SCMH1: variants seen among roughly 807,000 people sequenced by gnomAD.
SCMH1 encodes the protein Scm polycomb group protein homolog 1.
Under a neutral mutation model 70.8 loss-of-function variants are expected in SCMH1, and 37 were observed. The ratio of observed to expected loss-of-function variants is 0.52; its 90% CI spans 0.40 to 0.69. The LOEUF (loss-of-function observed/expected upper bound fraction) is 0.69. Among genes scored for constraint, SCMH1 ranks in the 30% least tolerant of loss-of-function variants. SCMH1 has a pLI of 0.00. For synonymous variants in SCMH1, 292 were observed against 307.4 expected, an observed-to-expected ratio of 0.95 and a Z score of 0.52; for missense variants, 607 against 827.3, an observed-to-expected ratio of 0.73 and a Z score of 3.27.
intron 1 of SCMH1, among the ~76,000 whole-genome samples, chr1:41,219,904 C>T (rs892234407): frequency 6.6e-6 from 1 of 151,188 alleles, no homozygotes; most frequent in African/African-American, 2.4e-5. Flanking sequence ...GCATTCCAGC[C>T]TGGGCAACAG....
Position 41,037,542 on chromosome 1 carries a change from CT to C in SCMH1, c.1499-2del. On this transcript the variant is annotated splice_acceptor_variant, in intron 12 of 14. Transcript: ENST00000337495. LOFTEE classifies it high-confidence loss of function. ...CTATTCCCCAGGACAAAGGTTTCAC[CT>C]GAAAAACAGTAAAACCAGAGTTAGA... 6.2e-7 allele frequency: 1 copy of C among 1,613,320 alleles called. No homozygotes were observed. The highest frequency in any genetic ancestry group is 8.5e-7 in the Non-Finnish European group (1 of 1,179,546).
chr1:41,176,065 A>C (rs1572845634), intron 2 of SCMH1, among the ~76,000 whole-genome samples: 1 of 151,888 alleles, frequency 6.6e-6, no homozygotes, highest in East Asian at 1.9e-4. Flanking sequence ...AGCCACAACA[A>C]ATAGAAACCA....
chr1:41,203,659 C>T (rs562855886), intron 1 of SCMH1, among the ~76,000 whole-genome samples: 4 of 152,334 alleles, frequency 2.6e-5, no homozygotes, highest in African/African-American at 9.6e-5. Context: ...GCAAGGAACA[C>T]CTGGCCCACC....
intron 13 of SCMH1, among the ~76,000 whole-genome samples, chr1:41,036,652 C>T (rs954544096): frequency 5.0e-4 from 76 of 152,290 alleles, no homozygotes; most frequent in African/African-American, 1.4e-3. Context: ...TCTAATTAAA[C>T]GCCCATTTAA....
At chr1:41,207,542 A>G (rs1292307852) in intron 1 of SCMH1, among the ~76,000 whole-genome samples, 1 of 152,232 alleles carries the variant, frequency 6.6e-6, no homozygotes, top group Non-Finnish European at 1.5e-5. Flanking sequence ...TTCATAAAGC[A>G]AGTCCTTAGA....
At chr1:41,185,478 T>G (rs180695196) in intron 2 of SCMH1, among the ~76,000 whole-genome samples, 1 of 152,268 alleles carries the variant, frequency 6.6e-6, no homozygotes, top group African/African-American at 2.4e-5. Context: ...TGAGCTCCCA[T>G]GCCCCTTCTT....
exon 15 of SCMH1, chr1:41,027,972 G>A (rs1420988345): frequency 1.8e-6 from 1 of 569,700 alleles, no homozygotes; most frequent in South Asian, 2.3e-5. Flanking sequence ...AGAGCTGAGG[G>A]AAGAGCAGCA....
At chr1:41,154,899 A>AG (rs1438737637) in intron 4 of SCMH1, among the ~76,000 whole-genome samples, 1 of 152,200 alleles carries the variant, frequency 6.6e-6, no homozygotes, top group Non-Finnish European at 1.5e-5. Flanking sequence ...GCAATATGAC[A>AG]GGGGTCCCTG....
At chr1:41,070,711 C>T (rs1392841035) in exon 10 of SCMH1, 16 of 1,613,872 alleles carry the variant, frequency 9.9e-6, no homozygotes, top group Admixed American at 1.7e-5. Context: ...CAGCAAAGTC[C>T]GAGGTTTCCT....
At chr1:41,210,353 A>T (rs1005977232) in intron 1 of SCMH1, among the ~76,000 whole-genome samples, 5 of 152,336 alleles carry the variant, frequency 3.3e-5, no homozygotes, top group South Asian at 4.1e-4. Flanking sequence ...ATTGGAAAAA[A>T]ACTACTTTAA....
At chr1:41,089,787 C>CTTTTTTTTTTTTCTTTTTTTTTT (rs1662818073) in intron 8 of SCMH1, among the ~76,000 whole-genome samples, 1 of 58,756 alleles carries the variant, frequency 1.7e-5, no homozygotes, top group African/African-American at 7.4e-5. Context: ...CATGTTGTCT[C>CTTTTTTTTTTTTCTTTTTTTTTT]TTTTTTTTTT....
chr1:41,055,919 TG>T (rs1238436799), intron 10 of SCMH1, among the ~76,000 whole-genome samples: 1 of 152,202 alleles, frequency 6.6e-6, no homozygotes, highest in Admixed American at 6.5e-5. Context: ...AGACTTCTGA[TG>T]GGGCATCTTG....
chr1:41,064,346 C>A (rs1193358151), intron 10 of SCMH1, among the ~76,000 whole-genome samples: 1 of 152,188 alleles, frequency 6.6e-6, no homozygotes, highest in Non-Finnish European at 1.5e-5. Flanking sequence ...GACAAGGATG[C>A]CCTCTCTTAC....
intron 1 of SCMH1, among the ~76,000 whole-genome samples, chr1:41,223,503 G>A (rs1280875056): frequency 6.6e-6 from 1 of 150,900 alleles, no homozygotes; most frequent in African/African-American, 2.4e-5. Context: ...TGTGAGAGTC[G>A]TAATTTTATC....
intron 8 of SCMH1, among the ~76,000 whole-genome samples, chr1:41,089,738 C>T (rs1364937518): frequency 6.6e-6 from 1 of 150,886 alleles, no homozygotes; most frequent in Non-Finnish European, 1.5e-5. Flanking sequence ...TTTTTCTGAC[C>T]TACTTCCTAC....
chr1:41,058,764 A>C (rs1027204696), intron 10 of SCMH1, among the ~76,000 whole-genome samples: 1 of 152,212 alleles, frequency 6.6e-6, no homozygotes, highest in African/African-American at 2.4e-5. Context: ...AGTGCTTGGC[A>C]AATCTACATT....
At chr1:41,189,405 C>T (rs944855832) in intron 1 of SCMH1, among the ~76,000 whole-genome samples, 3 of 152,214 alleles carry the variant, frequency 2.0e-5, no homozygotes, top group African/African-American at 7.2e-5. Flanking sequence ...CCCGCCTCGG[C>T]CTCCCAAAGT....
At chr1:41,178,425 G>T (rs1647644228) in intron 2 of SCMH1, among the ~76,000 whole-genome samples, 1 of 152,116 alleles carries the variant, frequency 6.6e-6, no homozygotes, top group South Asian at 2.1e-4. Flanking sequence ...AATGCTCCAA[G>T]TAAAAGACAC....
At chr1:41,095,273 TA>T (rs1664774237) in intron 8 of SCMH1, among the ~76,000 whole-genome samples, 1 of 152,186 alleles carries the variant, frequency 6.6e-6, no homozygotes, top group Non-Finnish European at 1.5e-5. Flanking sequence ...TTCAGTGGTT[TA>T]TGTTTTATTT....
Sources: allele counts gnomAD v4.1 joint callset (sites outside exome capture counted in the v4.1 genomes callset), GRCh38; gene constraint gnomAD v4.1.1; transcripts MANE v1.5; gene names NCBI Gene and HGNC (gene_info 2026-07-23, HGNC 2026-07-21).